The following CNTNAP2 variants were observed in gnomAD, a reference collection of about 807,000 sequenced individuals.
CNTNAP2 encodes the protein contactin-associated protein-like 2.
CNTNAP2 carries 98 observed loss-of-function variants against 155.2 expected under a neutral mutation model. That is an observed-to-expected ratio of 0.63 (90% CI 0.54 to 0.75). The LOEUF (loss-of-function observed/expected upper bound fraction) is 0.75, where lower values mean the gene tolerates loss of function less well. CNTNAP2 is among the 30% of genes least tolerant of loss of function. The pLI is 0.00. For missense variants in CNTNAP2, 1,727 were observed against 1,688.1 expected, an observed-to-expected ratio of 1.02 and a Z score of -0.40; for synonymous variants, 651 against 631.2, an observed-to-expected ratio of 1.03 and a Z score of -0.47.
intron 1 of CNTNAP2, among the ~76,000 whole-genome samples, chr7:146,704,275 T>A (rs1800925527): frequency 6.6e-6 from 1 of 152,114 alleles, no homozygotes; most frequent in South Asian, 2.1e-4. Context: ...AAGCTCAGCC[T>A]CATTGCCCAG....
At chr7:147,408,780 C>T (rs1261921030) in intron 10 of CNTNAP2, among the ~76,000 whole-genome samples, 1 of 151,956 alleles carries the variant, frequency 6.6e-6, no homozygotes, top group Non-Finnish European at 1.5e-5. Flanking sequence ...AAAAAGAGGA[C>T]GTTGCATTAC....
chr7:147,334,729 C>A (rs1309043467), intron 9 of CNTNAP2, among the ~76,000 whole-genome samples: 1 of 152,008 alleles, frequency 6.6e-6, no homozygotes, highest in Non-Finnish European at 1.5e-5. Flanking sequence ...ACTGTCACCC[C>A]TAGCTGTCTA....
chr7:147,917,892 G>T (rs184872850), intron 14 of CNTNAP2, among the ~76,000 whole-genome samples: 1 of 152,230 alleles, frequency 6.6e-6, no homozygotes, highest in African/African-American at 2.4e-5. Flanking sequence ...TCACACTGGG[G>T]CCATTGTAAG....
chr7:147,496,723 T>C (rs4725743), intron 11 of CNTNAP2: 1 of 151,982 alleles, frequency 6.6e-6, no homozygotes, highest in South Asian at 2.1e-4. Context: ...TCAGTGAGGA[T>C]TCTCTTGATT....
chr7:147,985,391 T>C (rs1267062878), intron 15 of CNTNAP2, among the ~76,000 whole-genome samples: 1 of 143,750 alleles, frequency 7.0e-6, no homozygotes. Flanking sequence ...CTCTTGGGAG[T>C]TGATTTATGT....
chr7:147,920,377 G>C (rs76828099), intron 14 of CNTNAP2, among the ~76,000 whole-genome samples: 1 of 96,086 alleles, frequency 1.0e-5, no homozygotes, highest in Admixed American at 1.1e-4. Context: ...AAAAAAAAAA[G>C]CATGTCTCTG....
At chr7:146,886,250 C>G (rs539421873) in intron 3 of CNTNAP2, among the ~76,000 whole-genome samples, 50 of 146,076 alleles carry the variant, frequency 3.4e-4, no homozygotes, top group African/African-American at 1.3e-3. Flanking sequence ...TTCCCTTATG[C>G]TATCAATTTT....
intron 1 of CNTNAP2, among the ~76,000 whole-genome samples, chr7:146,356,669 A>G (rs1358147245): frequency 1.3e-5 from 2 of 152,194 alleles, no homozygotes; most frequent in Non-Finnish European, 2.9e-5. Context: ...TTGTTTTATC[A>G]TGTTATTCAA....
At chr7:147,002,244 TAG>T (rs1326888473) in intron 3 of CNTNAP2, among the ~76,000 whole-genome samples, 18 of 152,026 alleles carry the variant, frequency 1.2e-4, no homozygotes, top group African/African-American at 3.9e-4. Context: ...TACACTCACA[TAG>T]AGACATGTAA....
At chr7:146,549,921 G>A (rs1242822069) in intron 1 of CNTNAP2, among the ~76,000 whole-genome samples, 2 of 152,010 alleles carry the variant, frequency 1.3e-5, no homozygotes, top group African/African-American at 4.8e-5. Flanking sequence ...AACAGGTTGA[G>A]GATGACCTTA....
At chr7:147,849,970 A>T (rs1798897380) in intron 13 of CNTNAP2, 1 of 152,228 alleles carries the variant, frequency 6.6e-6, no homozygotes, top group African/African-American at 2.4e-5. Context: ...AGAAGAGATA[A>T]CTAGCTGAGA....
chr7:148,179,089 C>A (rs1253186788), intron 18 of CNTNAP2, among the ~76,000 whole-genome samples: 1 of 152,178 alleles, frequency 6.6e-6, no homozygotes, highest in Admixed American at 6.5e-5. Context: ...CCACACCCAC[C>A]ATATCGGACT....
chr7:146,565,342 T>C (rs1798341208), intron 1 of CNTNAP2, among the ~76,000 whole-genome samples: 1 of 152,156 alleles, frequency 6.6e-6, no homozygotes, highest in Non-Finnish European at 1.5e-5. Context: ...TAAGTACTCC[T>C]CTTTAGGCAT....
At chr7:147,226,558 A>G (rs1803549869) in intron 8 of CNTNAP2, among the ~76,000 whole-genome samples, 1 of 152,124 alleles carries the variant, frequency 6.6e-6, no homozygotes. Context: ...CATTAGAGGA[A>G]ACTTTCCTTC....
chr7:146,719,747 CTG>C (rs982145497), intron 1 of CNTNAP2, among the ~76,000 whole-genome samples: 8 of 151,654 alleles, frequency 5.3e-5, no homozygotes, highest in Non-Finnish European at 1.0e-4. Context: ...GTTATCCTCT[CTG>C]TGTTTTCTTT....
intron 21 of CNTNAP2, among the ~76,000 whole-genome samples, chr7:148,349,693 G>A (rs969633034): frequency 4.6e-5 from 7 of 152,054 alleles, no homozygotes; most frequent in South Asian, 4.2e-4. Flanking sequence ...GAGCCACCGC[G>A]CCAGGCCAAA....
intron 13 of CNTNAP2, among the ~76,000 whole-genome samples, chr7:147,690,690 T>C (rs1396377433): frequency 1.3e-5 from 2 of 152,176 alleles, no homozygotes; most frequent in African/African-American, 4.8e-5. Flanking sequence ...TCACAGTTTT[T>C]ATGTATATAT....
chr7:148,172,720 C>T (rs1794844510), intron 18 of CNTNAP2, among the ~76,000 whole-genome samples: 1 of 152,128 alleles, frequency 6.6e-6, no homozygotes, highest in Non-Finnish European at 1.5e-5. Flanking sequence ...GCAAATTATT[C>T]ACTGCCCGAA....
chr7:147,999,427 C>A (rs748525495), intron 15 of CNTNAP2, among the ~76,000 whole-genome samples: 3 of 152,060 alleles, frequency 2.0e-5, no homozygotes, highest in Non-Finnish European at 1.5e-5. Context: ...TTTAGACAAG[C>A]CTTTCTTAAT....
Sources: allele counts gnomAD v4.1 joint callset (sites outside exome capture counted in the v4.1 genomes callset), GRCh38; gene constraint gnomAD v4.1.1; transcripts MANE v1.5; gene names NCBI Gene and HGNC (gene_info 2026-07-23, HGNC 2026-07-21).